The following COPG2 variants were observed in gnomAD, a reference collection of about 807,000 sequenced individuals.
The protein encoded by COPG2 is coatomer subunit gamma-2.
In COPG2, 37 loss-of-function variants were observed where a neutral mutation model predicts 46.3. The ratio of observed to expected loss-of-function variants is 0.80; its 90% CI spans 0.61 to 1.05. COPG2 has a LOEUF of 1.05. COPG2 is among the 50% of genes least tolerant of loss of function. The pLI, the probability that COPG2 is intolerant of heterozygous loss-of-function variation, is 0.00. For missense variants in COPG2, 427 were observed against 387.8 expected (o/e 1.10, Z -0.85); for synonymous variants, 159 against 129.7 (o/e 1.23, Z -1.53).
At chr7:130,644,492 T>C (rs1481477229) in intron 5 of COPG2, among the ~76,000 whole-genome samples, 2 of 152,166 alleles carry the variant, frequency 1.3e-5, no homozygotes, top group Non-Finnish European at 2.9e-5. Flanking sequence ...CAACTAAAAA[T>C]GACAACCAAG....
In COPG2 at chr7:130,506,419, G is replaced by C. The variant is rs1327150093; in HGVS notation, c.*257C>G. 1.1e-5 allele frequency: 2 copies of C among 183,262 alleles called. No homozygotes were observed. The highest frequency in any genetic ancestry group is 5.3e-5 in the African/African-American group (2 of 37,816). 11.4% of individuals were successfully genotyped at this position (183,262 alleles called of 1,614,324 possible). A position where few individuals can be genotyped will look rare whatever the true frequency, so the allele number is the denominator to read the frequency against. ...AGTTAAGCAGCTGGAGTATAGGATA[G>C]TATTTGATTTTCAAGATCACCCAAA... On this transcript the variant is annotated 3_prime_UTR_variant, in exon 24 of 24. Transcript: ENST00000425248.
At chr7:130,639,165 T>C (rs1193876932) in intron 5 of COPG2, among the ~76,000 whole-genome samples, 1 of 152,226 alleles carries the variant, frequency 6.6e-6, no homozygotes, top group Non-Finnish European at 1.5e-5. Context: ...ACCAGAGCTG[T>C]TCCTATTCGG....
chr7:130,613,844 A>G (rs1554452514), intron 6 of COPG2, among the ~76,000 whole-genome samples: 1 of 152,248 alleles, frequency 6.6e-6, no homozygotes, highest in Non-Finnish European at 1.5e-5. Flanking sequence ...AGAACATTTA[A>G]GATTATATAT....
intron 5 of COPG2, among the ~76,000 whole-genome samples, chr7:130,640,190 T>C (rs1372160822): frequency 1.3e-4 from 18 of 136,984 alleles, no homozygotes; most frequent in Non-Finnish European, 2.8e-4. Context: ...TTGTAAACTG[T>C]GCTCAGGCCA....
In COPG2 at chr7:130,613,449, A is replaced by T. The variant is rs1222833563; in HGVS notation, c.492+95T>A. The T allele has an allele frequency of 1.3e-5, 10 of 793,982 alleles. No homozygotes were observed. The Admixed American group carries it at 1.8e-4, about 15-fold the overall frequency. 49.2% of individuals were successfully genotyped at this position (793,982 alleles called of 1,614,324 possible). On this transcript the variant is annotated intron_variant, in intron 7 of 23. Transcript: ENST00000425248. Reference sequence around the variant, plus strand: ...TAATAGAGGTGTATACATATTTTTAACTGTTTCATTTGTGAGACAATCATA... The same window carrying T: ...TAATAGAGGTGTATACATATTTTTATCTGTTTCATTTGTGAGACAATCATA...
At chr7:130,596,842 T>C (rs1252916473) in intron 9 of COPG2, among the ~76,000 whole-genome samples, 4 of 152,236 alleles carry the variant, frequency 2.6e-5, no homozygotes, top group African/African-American at 9.6e-5. Flanking sequence ...ATACTGTTCT[T>C]TTCTCTTTCA....
At chr7:130,643,933 C>T (rs1404944131) in intron 5 of COPG2, among the ~76,000 whole-genome samples, 1 of 152,178 alleles carries the variant, frequency 6.6e-6, no homozygotes, top group African/African-American at 2.4e-5. Context: ...CACACCACTG[C>T]ACTCCAGCCT....
Position 130,586,623 on chromosome 7 carries a change from G to A in COPG2, c.738-22230C>T, listed in dbSNP as rs139789326. 8.3e-3 allele frequency among the ~76,000 whole-genome samples: 1,267 copies of A among 151,846 alleles called. 14 individuals carry two copies. Among genetic ancestry groups the A allele is most frequent in the Middle Eastern group, 0.034 (10 of 294 alleles). On this transcript the variant is annotated intron_variant, in intron 9 of 23. Transcript: ENST00000425248. ...GACTACAGGCACCCGCCACCACGCCGGGCTAATTTTTTGGATTTTTAGTAG... is the reference window on the plus strand; with the variant it reads ...GACTACAGGCACCCGCCACCACGCCAGGCTAATTTTTTGGATTTTTAGTAG...
At chr7:130,615,266 G>A (rs1457784635) in intron 6 of COPG2, among the ~76,000 whole-genome samples, 17 of 152,188 alleles carry the variant, frequency 1.1e-4, no homozygotes, top group Admixed American at 9.2e-4. Flanking sequence ...AAGTGAACTG[G>A]ATTATCGCTC....
At chr7:130,594,029 T>C (rs1008234847) in intron 9 of COPG2, among the ~76,000 whole-genome samples, 1 of 151,540 alleles carries the variant, frequency 6.6e-6, no homozygotes, top group African/African-American at 2.4e-5. Flanking sequence ...TTGCAACACA[T>C]ACAATCAACA....
chr7:130,538,193 G>A (rs1296952613), intron 20 of COPG2, among the ~76,000 whole-genome samples: 4 of 152,168 alleles, frequency 2.6e-5, no homozygotes, highest in Non-Finnish European at 5.9e-5. Flanking sequence ...AGGAGGTGGA[G>A]CATGTCTGGA....
chr7:130,590,111 G>C (rs1554448593), intron 9 of COPG2, among the ~76,000 whole-genome samples: 1 of 151,796 alleles, frequency 6.6e-6, no homozygotes, highest in African/African-American at 2.4e-5. Flanking sequence ...GTTTATTTAA[G>C]CCTTTACCCC....
intron 5 of COPG2, among the ~76,000 whole-genome samples, chr7:130,639,063 T>C (rs1554456832): frequency 2.0e-5 from 3 of 152,126 alleles, no homozygotes; most frequent in Non-Finnish European, 4.4e-5. Context: ...CTGCACCCAC[T>C]GTCTAACCAG....
intron 9 of COPG2, among the ~76,000 whole-genome samples, chr7:130,583,267 G>T (rs1340847987): frequency 3.5e-5 from 5 of 144,522 alleles, no homozygotes; most frequent in African/African-American, 7.7e-5. Flanking sequence ...AAACACCGCA[G>T]ATTCTCACTC....
At chr7:130,636,812 T>C (rs1429990682) in intron 5 of COPG2, among the ~76,000 whole-genome samples, 6 of 152,216 alleles carry the variant, frequency 3.9e-5, no homozygotes, top group African/African-American at 1.4e-4. Context: ...AGTTTCTTCA[T>C]AGTGTCAATG....
chr7:130,609,976 C>G (rs782427168), intron 9 of COPG2: 3 of 466,772 alleles, frequency 6.4e-6, no homozygotes, highest in African/African-American at 2.0e-5. Flanking sequence ...TTGGTGTTCA[C>G]TTTAGAGAAG....
At chr7:130,585,731 A>G (rs562398595) in intron 9 of COPG2, among the ~76,000 whole-genome samples, 2 of 152,060 alleles carry the variant, frequency 1.3e-5, no homozygotes, top group Non-Finnish European at 2.9e-5. Flanking sequence ...AACATCACTA[A>G]TGATCAGGGA....
At chr7:130,667,173 A>G (rs1796101675) in intron 2 of COPG2, among the ~76,000 whole-genome samples, 1 of 152,214 alleles carries the variant, frequency 6.6e-6, no homozygotes, top group Non-Finnish European at 1.5e-5. Flanking sequence ...AAGGATCACA[A>G]TACTTATCTA....
intron 5 of COPG2, among the ~76,000 whole-genome samples, chr7:130,618,302 G>C (rs2116517049): frequency 6.6e-6 from 1 of 152,156 alleles, no homozygotes; most frequent in East Asian, 1.9e-4. Context: ...AGTAATTTAA[G>C]TGCCAAGGAC....
Sources: gnomAD v4.1 joint callset for allele counts (sites outside exome capture counted in the v4.1 genomes callset) on GRCh38, gnomAD v4.1.1 for gene constraint, MANE v1.5 for transcripts, NCBI Gene and HGNC (gene_info 2026-07-23, HGNC 2026-07-21) for gene names.